TMEM233: variants seen among roughly 807,000 people sequenced by gnomAD.
The protein encoded by TMEM233 is dispanin subfamily B member 2.
Under a neutral mutation model 11.2 loss-of-function variants are expected in TMEM233, and 6 were observed. That is an observed-to-expected ratio of 0.54 (90% confidence interval 0.29 to 1.06). The LOEUF is 1.06. Among genes scored for constraint, TMEM233 ranks in the 50% least tolerant of loss-of-function variants. TMEM233 has a pLI of 0.08. For missense variants in TMEM233, 127 were observed against 144.7 expected (o/e 0.88, Z 0.63); for synonymous variants, 59 against 55.8 (o/e 1.06, Z -0.26).
At chr12:119,622,382 A>G (rs1335214032) in intron 1 of TMEM233, among the ~76,000 whole-genome samples, 1 of 152,236 alleles carries the variant, frequency 6.6e-6, no homozygotes, top group Non-Finnish European at 1.5e-5. Context: ...TAATTTTTAA[A>G]AGAACAAATA....
At chr12:119,622,607 G>A (rs1349684547) in intron 1 of TMEM233, among the ~76,000 whole-genome samples, 1 of 152,150 alleles carries the variant, frequency 6.6e-6, no homozygotes, top group African/African-American at 2.4e-5. Flanking sequence ...ACAGTGACAT[G>A]TTGGGGAAGC....
chr12:119,604,317 C>A (rs1325192571), intron 1 of TMEM233, among the ~76,000 whole-genome samples: 1 of 152,186 alleles, frequency 6.6e-6, no homozygotes, highest in African/African-American at 2.4e-5. Flanking sequence ...AAAGTTAAGT[C>A]TTTTCTTTCC....
chr12:119,623,300 A>G (rs1055320635), intron 1 of TMEM233, among the ~76,000 whole-genome samples: 1 of 152,236 alleles, frequency 6.6e-6, no homozygotes, highest in African/African-American at 2.4e-5. Context: ...GCATCATCAT[A>G]GCTATCATCT....
intron 2 of TMEM233, among the ~76,000 whole-genome samples, chr12:119,635,111 T>C (rs1252386604): frequency 6.6e-6 from 1 of 152,192 alleles, no homozygotes; most frequent in Non-Finnish European, 1.5e-5. Flanking sequence ...GGTTTAAATA[T>C]AGTAGCTGTC....
chr12:119,614,701 AAACACTGTTTG>A (rs1225009239), intron 1 of TMEM233, among the ~76,000 whole-genome samples: 1 of 152,132 alleles, frequency 6.6e-6, no homozygotes, highest in Non-Finnish European at 1.5e-5. Flanking sequence ...TTGAACACAG[AAACACTGTTTG>A]ACTGTTGGTG....
At chr12:119,621,361 T>G (rs1954639281) in intron 1 of TMEM233, among the ~76,000 whole-genome samples, 1 of 152,140 alleles carries the variant, frequency 6.6e-6, no homozygotes, top group Non-Finnish European at 1.5e-5. Flanking sequence ...TTAAAATTTT[T>G]TGTAGAGACA....
chr12:119,634,933 G>T (rs1051124011), intron 2 of TMEM233, among the ~76,000 whole-genome samples: 1 of 152,176 alleles, frequency 6.6e-6, no homozygotes, highest in African/African-American at 2.4e-5. Flanking sequence ...CCTAAGAGCT[G>T]GGAATTATTC....
At chr12:119,645,370 T>TA (rs1326033745), downstream of TMEM233, among the ~76,000 whole-genome samples, 1 of 146,612 alleles carries the variant, frequency 6.8e-6, no homozygotes, top group Non-Finnish European at 1.5e-5. Flanking sequence ...ACTCATGGGT[T>TA]ACAACCAATT....
intron 1 of TMEM233, among the ~76,000 whole-genome samples, chr12:119,628,143 C>T (rs1311433690): frequency 4.6e-5 from 7 of 152,066 alleles, no homozygotes; most frequent in Admixed American, 2.6e-4. Context: ...AATCAAGCTG[C>T]TTTTATATTT....
At position 119,642,308 on chromosome 12, in the gene TMEM233, G is replaced by C. The variant is rs1034874884; in HGVS notation, c.*1603G>C. On this transcript the variant is annotated 3_prime_UTR_variant, in exon 3 of 3. Coordinates refer to ENST00000426426, the MANE Select transcript of TMEM233 (RefSeq NM_001136534.3). ...CTAAAAATACAAAAATTAGCCAGGC[G>C]TGGTGGTGCATGCCTGTAATCCCAG... The C allele has an allele frequency of 6.6e-6, 1 of 152,252 alleles. No homozygotes were observed. Among genetic ancestry groups the C allele is most frequent in the Non-Finnish European group, 1.5e-5 (1 of 68,056 alleles). The allele number at this position is 152,252 out of a possible 1,614,324, so 9.4% of individuals were successfully genotyped here.
At position 119,640,994 on chromosome 12, in the gene TMEM233, C is replaced by T. The variant is rs559692837; in HGVS notation, c.*289C>T. On this transcript the variant is annotated 3_prime_UTR_variant, in exon 3 of 3. Transcript: ENST00000426426. ...CTCACTGTCTCAGTTTAGCGAATCC[C>T]GTTGTGTCCACTCCTGTCCTCCAGA... The T allele has an allele frequency of 1.7e-5, 7 of 411,412 alleles. No individual in the cohort carries two copies. Among genetic ancestry groups the T allele is most frequent in the South Asian group, 7.9e-5 (2 of 25,290 alleles). 25.5% of individuals were successfully genotyped at this position (411,412 alleles called of 1,614,324 possible).
chr12:119,634,328 G>C (rs1006565355), intron 2 of TMEM233: 22 of 959,840 alleles, frequency 2.3e-5, no homozygotes, highest in Non-Finnish European at 2.5e-5. Context: ...ATGCTGTCTC[G>C]GGGCTGGGTG....
At chr12:119,633,894 C>T (rs1297324712) in intron 2 of TMEM233, among the ~76,000 whole-genome samples, 4 of 151,824 alleles carry the variant, frequency 2.6e-5, no homozygotes, top group Middle Eastern at 3.2e-3. Flanking sequence ...AGTTAGCATC[C>T]GAGCCTCACC....
chr12:119,603,508 C>A (rs1038124416), intron 1 of TMEM233, among the ~76,000 whole-genome samples: 1 of 152,160 alleles, frequency 6.6e-6, no homozygotes, highest in Admixed American at 6.5e-5. Flanking sequence ...TCAAGGTGAG[C>A]CCAGGTAGGA....
chr12:119,644,161 G>A (rs1225595800), downstream of TMEM233, among the ~76,000 whole-genome samples: 1 of 152,178 alleles, frequency 6.6e-6, no homozygotes, highest in Non-Finnish European at 1.5e-5. Flanking sequence ...AAACAGGTGT[G>A]GCCACTGTAC....
At chr12:119,612,770 A>AT (rs1491227011) in intron 1 of TMEM233, among the ~76,000 whole-genome samples, 3 of 125,970 alleles carry the variant, frequency 2.4e-5, no homozygotes, top group African/African-American at 8.7e-5. Flanking sequence ...AAAAAAAAAA[A>AT]TTAGCCAGGC....
At chr12:119,623,793 A>G (rs746782586) in intron 1 of TMEM233, among the ~76,000 whole-genome samples, 39 of 152,196 alleles carry the variant, frequency 2.6e-4, no homozygotes, top group Admixed American at 3.9e-4. Context: ...CACTTGACAC[A>G]CATTAATTCA....
chr12:119,604,998 C>CTCTTTTT (rs567468740), intron 1 of TMEM233, among the ~76,000 whole-genome samples: 2 of 141,454 alleles, frequency 1.4e-5, no homozygotes. Context: ...CCCTCACTAT[C>CTCTTTTT]TTTTTTTTTT....
chr12:119,604,393 T>C (rs375655931), intron 1 of TMEM233, among the ~76,000 whole-genome samples: 2 of 152,220 alleles, frequency 1.3e-5, no homozygotes, highest in African/African-American at 2.4e-5. Context: ...AATAATATAG[T>C]ATGGGGCATT....
Sources: gnomAD v4.1 joint callset for allele counts (sites outside exome capture counted in the v4.1 genomes callset) on GRCh38, gnomAD v4.1.1 for gene constraint, MANE v1.5 for transcripts, NCBI Gene and HGNC (gene_info 2026-07-23, HGNC 2026-07-21) for gene names.